Variants in SLC25A21 observed in about 807,000 individuals in gnomAD.
The protein encoded by SLC25A21 is solute carrier family 25 member 21.
In SLC25A21, 47 loss-of-function variants were observed where a neutral mutation model predicts 43.8. The observed-to-expected ratio is 1.07, with a 90% CI of 0.85 to 1.37. The LOEUF (loss-of-function observed/expected upper bound fraction) is 1.37, where lower values mean the gene tolerates loss of function less well. SLC25A21 is among the 40% of genes most tolerant of loss of function. The probability of loss-of-function intolerance (pLI) is 0.00; values close to 1 mark genes in which losing one functional copy is unlikely to be tolerated. For synonymous variants in SLC25A21, 131 were observed against 121.3 expected, an observed-to-expected ratio of 1.08 and a Z score of -0.52; for missense variants, 352 against 350.2, an observed-to-expected ratio of 1.00 and a Z score of -0.04.
At chr14:36,921,399 T>C (rs1891978043) in intron 1 of SLC25A21, among the ~76,000 whole-genome samples, 1 of 152,152 alleles carries the variant, frequency 6.6e-6, no homozygotes, top group Non-Finnish European at 1.5e-5. Flanking sequence ...TAGAGTCCTT[T>C]ATCCTCAATG....
intron 1 of SLC25A21, among the ~76,000 whole-genome samples, chr14:37,093,734 G>A (rs918439880): frequency 1.3e-5 from 2 of 152,154 alleles, no homozygotes; most frequent in African/African-American, 4.8e-5. Flanking sequence ...GAAGGAATAA[G>A]GGGCAGATGG....
At chr14:37,125,072 C>A (rs183379388) in intron 1 of SLC25A21, among the ~76,000 whole-genome samples, 405 of 152,202 alleles carry the variant, frequency 2.7e-3, no homozygotes, top group Non-Finnish European at 2.9e-3. Flanking sequence ...GAATGGATGC[C>A]CAACAGAAAG....
At chr14:36,872,359 G>A (rs540988783) in intron 2 of SLC25A21, among the ~76,000 whole-genome samples, 1 of 152,222 alleles carries the variant, frequency 6.6e-6, no homozygotes, top group African/African-American at 2.4e-5. Context: ...CTTTAAAGTG[G>A]ATTTTTAAAA....
intron 2 of SLC25A21, among the ~76,000 whole-genome samples, chr14:36,854,448 T>C (rs1285094325): frequency 6.6e-6 from 1 of 152,226 alleles, no homozygotes; most frequent in Non-Finnish European, 1.5e-5. Flanking sequence ...ATTTGAATTC[T>C]GGCTCTCTCC....
intron 2 of SLC25A21, among the ~76,000 whole-genome samples, chr14:36,862,319 T>C (rs944826329): frequency 5.9e-5 from 9 of 152,352 alleles, no homozygotes; most frequent in East Asian, 1.9e-4. Flanking sequence ...TGTATGTTTA[T>C]TGCAGCATTG....
chr14:36,781,428 G>C (rs1887057209), intron 3 of SLC25A21, among the ~76,000 whole-genome samples: 1 of 148,218 alleles, frequency 6.7e-6, no homozygotes, highest in African/African-American at 2.6e-5. Context: ...GTCTTCCTTT[G>C]TGATTTGATT....
chr14:37,161,867 G>T lies in SLC25A21; in HGVS notation c.70+10414C>A, dbSNP rs1055519965. 1.5e-3 allele frequency among the ~76,000 whole-genome samples: 223 copies of T among 149,868 alleles called. 3 individuals carry two copies. The Admixed American group carries it at 0.015, about 10-fold the overall frequency. On this transcript the variant is annotated intron_variant, in intron 1 of 9. Transcript: ENST00000331299. ...AGTCCCAGCTACTCGGCAGGCTGAG[G>T]CAGGAGAACGGCGTGAACCCGGGAG...
intron 1 of SLC25A21, among the ~76,000 whole-genome samples, chr14:37,054,419 A>G (rs1961775899): frequency 6.6e-6 from 1 of 152,246 alleles, no homozygotes; most frequent in Non-Finnish European, 1.5e-5. Context: ...TTGTTGTTGT[A>G]AGCCATGAAG....
chr14:36,759,350 G>A (rs1886054295), intron 3 of SLC25A21, among the ~76,000 whole-genome samples: 1 of 151,956 alleles, frequency 6.6e-6, no homozygotes, highest in Non-Finnish European at 1.5e-5. Context: ...GTTTCCTTCT[G>A]AAAAAAACAG....
chr14:37,158,539 T>C (rs1239869345), intron 1 of SLC25A21, among the ~76,000 whole-genome samples: 1 of 152,118 alleles, frequency 6.6e-6, no homozygotes, highest in Non-Finnish European at 1.5e-5. Context: ...CATACTTTCT[T>C]GATAAAAATT....
intron 1 of SLC25A21, among the ~76,000 whole-genome samples, chr14:36,924,540 G>A (rs1297491368): frequency 1.3e-5 from 2 of 151,906 alleles, no homozygotes; most frequent in Admixed American, 6.6e-5. Flanking sequence ...GTGGGGAGAG[G>A]GGGGAGGGAT....
intron 1 of SLC25A21, among the ~76,000 whole-genome samples, chr14:37,006,539 TC>T (rs1566809358): frequency 1.3e-5 from 2 of 151,982 alleles, no homozygotes; most frequent in African/African-American, 4.8e-5. Context: ...CTCTAGTATA[TC>T]CATTCAATCC....
intron 1 of SLC25A21, among the ~76,000 whole-genome samples, chr14:37,105,165 C>T (rs752812199): frequency 1.3e-4 from 20 of 152,186 alleles, no homozygotes; most frequent in Non-Finnish European, 2.5e-4. Context: ...CTTAGTCCTC[C>T]AGTATAAACA....
chr14:36,729,514 G>C lies in SLC25A21; in HGVS notation c.323C>G (p.Pro108Arg), dbSNP rs1884733332. Reference protein sequence around the residue: ...KKLLGYVSLSPALTFAIAGLG... With the variant: ...KKLLGYVSLSRALTFAIAGLG... ...ATAAATACTCTCACTTACCAATGCTGGTGACAGTGACACATATCCCAGCAA... is the reference window on the plus strand; with the variant it reads ...ATAAATACTCTCACTTACCAATGCTCGTGACAGTGACACATATCCCAGCAA... The change falls in exon 5 of 10, where the codon CCA (proline) becomes CGA (arginine). Residue 108 changes from proline to arginine, a missense_variant. Transcript: ENST00000331299. 6.2e-7 allele frequency: 1 copy of C among 1,605,954 alleles called. No individual in the cohort carries two copies. The highest frequency in any genetic ancestry group is 8.5e-7 in the Non-Finnish European group (1 of 1,176,452).
At chr14:36,884,856 A>T (rs1890868342) in intron 1 of SLC25A21, among the ~76,000 whole-genome samples, 1 of 151,968 alleles carries the variant, frequency 6.6e-6, no homozygotes, top group Admixed American at 6.6e-5. Context: ...AGTTCCTTAT[A>T]TATTTTGAAT....
At chr14:36,865,477 CG>C in intron 2 of SLC25A21, among the ~76,000 whole-genome samples, 1 of 152,158 alleles carries the variant, frequency 6.6e-6, no homozygotes, top group South Asian at 2.1e-4. Context: ...TCAAAAACCA[CG>C]GAATGAGCTC....
intron 1 of SLC25A21, among the ~76,000 whole-genome samples, chr14:37,112,007 T>C (rs1240038495): frequency 6.6e-6 from 1 of 152,214 alleles, no homozygotes; most frequent in East Asian, 1.9e-4. Flanking sequence ...ATACTGTAGG[T>C]ACTAGAGGTA....
chr14:37,113,271 C>T (rs1963051854), intron 1 of SLC25A21, among the ~76,000 whole-genome samples: 1 of 152,166 alleles, frequency 6.6e-6, no homozygotes, highest in South Asian at 2.1e-4. Flanking sequence ...ACAAACATCT[C>T]TACCTTGCTA....
At chr14:36,793,915 A>G (rs1887580010) in intron 3 of SLC25A21, among the ~76,000 whole-genome samples, 1 of 130,164 alleles carries the variant, frequency 7.7e-6, no homozygotes, top group South Asian at 2.7e-4. Flanking sequence ...CATTTTGCAG[A>G]TCAGGAAAAA....
Sources: gnomAD v4.1 joint callset for allele counts (sites outside exome capture counted in the v4.1 genomes callset) on GRCh38, gnomAD v4.1.1 for gene constraint, MANE v1.5 for transcripts, NCBI Gene and HGNC (gene_info 2026-07-23, HGNC 2026-07-21) for gene names.